The following RABGEF1 variants were observed in gnomAD, a reference collection of about 807,000 sequenced individuals.
RABGEF1 encodes the protein RAB guanine nucleotide exchange factor 1, also known as rab5 GDP/GTP exchange factor.
In RABGEF1, 26 loss-of-function variants were observed where a neutral mutation model predicts 57.3. The ratio of observed to expected loss-of-function variants is 0.45; its 90% confidence interval spans 0.33 to 0.63. The LOEUF (loss-of-function observed/expected upper bound fraction) is 0.63, where lower values mean the gene tolerates loss of function less well. RABGEF1 is among the 20% of genes least tolerant of loss of function. RABGEF1 has a pLI of 0.02. For missense variants in RABGEF1, 464 were observed against 607.6 expected (o/e 0.76, Z 2.48); for synonymous variants, 185 against 210.7 (o/e 0.88, Z 1.06).
intron 1 of RABGEF1, among the ~76,000 whole-genome samples, chr7:66,744,150 C>G (rs951808671): frequency 3.3e-5 from 5 of 151,690 alleles, no homozygotes; most frequent in Admixed American, 1.3e-4. Flanking sequence ...ATTTGTGTGC[C>G]TCAGCCTTCT....
Position 66,771,008 on chromosome 7 carries a change from G to C in RABGEF1, c.-17-875G>C, listed in dbSNP as rs563708775. ...TGTTGTTGTTGTTATTGAGTTGTAG[G>C]AGTTCCTTCGTATTTTAGATATTAA... On this transcript the variant is annotated intron_variant, in intron 1 of 8. Coordinates refer to ENST00000284957, the MANE Select transcript of RABGEF1 (RefSeq NM_014504.3). 5.3e-5 allele frequency among the ~76,000 whole-genome samples: 8 copies of C among 152,106 alleles called. No individual in the cohort carries two copies. In the South Asian group the frequency reaches 1.7e-3, roughly 32 times the overall value.
chr7:66,699,352 T>C (rs1428393942), intron 1 of RABGEF1, among the ~76,000 whole-genome samples: 1 of 152,176 alleles, frequency 6.6e-6, no homozygotes, highest in Middle Eastern at 3.2e-3. Flanking sequence ...ATATAAGGCA[T>C]TGGGCAAGGT....
the RABGEF1 span, among the ~76,000 whole-genome samples, chr7:66,659,727 C>T: frequency 8.0e-5 from 12 of 150,902 alleles, no homozygotes; most frequent in African/African-American, 2.4e-4. Context: ...TGCAGTGAGC[C>T]GAGATTGCAC....
intron 1 of RABGEF1, among the ~76,000 whole-genome samples, chr7:66,685,867 C>G (rs1403530458): frequency 6.6e-6 from 1 of 152,162 alleles, no homozygotes; most frequent in Non-Finnish European, 1.5e-5. Flanking sequence ...GGCTGCAGAG[C>G]AAACATCTCT....
upstream of RABGEF1, among the ~76,000 whole-genome samples, chr7:66,680,856 C>T (rs754325492): frequency 6.6e-6 from 1 of 151,962 alleles, no homozygotes; most frequent in South Asian, 2.1e-4. Flanking sequence ...CCAAGGCGGG[C>T]GGATCACTTG....
At chr7:66,708,905 G>A (rs1794451922) in intron 1 of RABGEF1, among the ~76,000 whole-genome samples, 1 of 152,186 alleles carries the variant, frequency 6.6e-6, no homozygotes, top group African/African-American at 2.4e-5. Flanking sequence ...GTGATGGGAG[G>A]GGGATAGGGA....
Position 66,805,143 on chromosome 7 carries a change from T to C in RABGEF1, c.824T>C (p.Ile275Thr), listed in dbSNP as rs1018627978. 33 of 1,599,128 alleles carry C rather than the reference T, an allele frequency of 2.1e-5. No homozygotes were observed. The highest frequency in any genetic ancestry group is 2.7e-5 in the Non-Finnish European group (32 of 1,166,396). Residue 275 changes from isoleucine to threonine, a missense_variant, in exon 8 of 9, where the codon ATC becomes ACC. Transcript: ENST00000284957. Reference protein sequence around the residue: ...SDMVVKAITDIIEMDSKRVPR... With the variant: ...SDMVVKAITDTIEMDSKRVPR... ...TATTGTCTTTTCTGCTTTGTAGATA[T>C]CATTGAAATGGATTCCAAGCGTGTG...
At chr7:66,680,717 C>G (rs567980339), upstream of RABGEF1, among the ~76,000 whole-genome samples, 281 of 152,194 alleles carry the variant, frequency 1.8e-3, no homozygotes, top group Middle Eastern at 0.014. Context: ...GAGACCAAGG[C>G]AGGTGGATGA....
intron 4 of RABGEF1, among the ~76,000 whole-genome samples, chr7:66,787,100 C>T (rs1454341543): frequency 2.6e-5 from 4 of 152,194 alleles, no homozygotes; most frequent in African/African-American, 4.8e-5. Flanking sequence ...GATCTCTGCT[C>T]ATTGCAGCCT....
At chr7:66,796,251 G>A (rs933212270) in intron 5 of RABGEF1, among the ~76,000 whole-genome samples, 2 of 152,020 alleles carry the variant, frequency 1.3e-5, no homozygotes, top group African/African-American at 2.4e-5. Flanking sequence ...AAAAAAAAGA[G>A]CTTCAAGTTT....
rs559184145 is a variant in RABGEF1 at position 66,692,674 on chromosome 7, C to T, written c.-873+10416C>T. The stretch of plus-strand genomic sequence containing the variant: ...TGGGGAGTCAGAGGCCCTGGTCATC[C>T]CTTCCCCACCCGCCTCCCACCTAAA... On this transcript the variant is annotated intron_variant and NMD_transcript_variant, in intron 1 of 9. Coordinates refer to the RABGEF1 transcript ENST00000607882. Among the ~76,000 whole-genome samples the T allele has an allele frequency of 1.4e-4, 22 of 152,138 alleles. No individual in the cohort carries two copies. In the South Asian group the frequency reaches 4.6e-3, roughly 32 times the overall value.
chr7:66,679,385 T>C (rs937060723), upstream of RABGEF1, among the ~76,000 whole-genome samples: 1 of 152,152 alleles, frequency 6.6e-6, no homozygotes, highest in Non-Finnish European at 1.5e-5. Flanking sequence ...CACGGCTCAC[T>C]GCAGCCTCAA....
chr7:66,782,159 AT>A (rs1318380524), intron 3 of RABGEF1, among the ~76,000 whole-genome samples: 1 of 152,224 alleles, frequency 6.6e-6, no homozygotes, highest in African/African-American at 2.4e-5. Flanking sequence ...GAGATAAAAA[AT>A]ATTTTAGAAA....
intron 1 of RABGEF1, among the ~76,000 whole-genome samples, chr7:66,743,102 G>C (rs1799380033): frequency 1.3e-5 from 2 of 152,072 alleles, no homozygotes; most frequent in African/African-American, 4.8e-5. Flanking sequence ...GAGGTCAGGA[G>C]TTTGAGACCA....
At chr7:66,769,789 TTA>T (rs886098745) in intron 1 of RABGEF1, among the ~76,000 whole-genome samples, 12 of 152,344 alleles carry the variant, frequency 7.9e-5, no homozygotes, top group African/African-American at 2.9e-4. Flanking sequence ...ACTCTGTAGC[TTA>T]GAGTTTTAAA....
At chr7:66,704,423 G>A (rs926732740) in intron 1 of RABGEF1, among the ~76,000 whole-genome samples, 1 of 152,126 alleles carries the variant, frequency 6.6e-6, no homozygotes, top group Non-Finnish European at 1.5e-5. Flanking sequence ...ACATCACTCT[G>A]TATGCCTTAT....
At chr7:66,676,960 C>T in the RABGEF1 span, among the ~76,000 whole-genome samples, 1 of 152,268 alleles carries the variant, frequency 6.6e-6, no homozygotes, top group East Asian at 1.9e-4. Context: ...CTTTTATTGC[C>T]TGTCCGTTTG....
At chr7:66,776,921 G>T (rs1180377301) in intron 3 of RABGEF1, among the ~76,000 whole-genome samples, 1 of 152,146 alleles carries the variant, frequency 6.6e-6, no homozygotes, top group Non-Finnish European at 1.5e-5. Flanking sequence ...CCCTAGCTTT[G>T]TATTTACCAG....
At chr7:66,675,026 A>C in the RABGEF1 span, among the ~76,000 whole-genome samples, 1 of 152,136 alleles carries the variant, frequency 6.6e-6, no homozygotes. Flanking sequence ...ATTATACCTA[A>C]TAATAGTAAT....
Sources: allele counts gnomAD v4.1 joint callset (sites outside exome capture counted in the v4.1 genomes callset), GRCh38; gene constraint gnomAD v4.1.1; transcripts MANE v1.5; gene names NCBI Gene and HGNC (gene_info 2026-07-23, HGNC 2026-07-21).